FBXW10B: variants seen among roughly 807,000 people sequenced by gnomAD.
FBXW10B encodes F-box and WD repeat domain containing protein 10B.
chr17:15,578,714 G>C, the FBXW10B span, among the ~76,000 whole-genome samples: 1 of 152,024 alleles, frequency 6.6e-6, no homozygotes, highest in African/African-American at 2.4e-5. Flanking sequence ...TCTGATTTTC[G>C]TAGCTGGGAC....
chr17:15,582,353 C>T, the FBXW10B span, among the ~76,000 whole-genome samples: 3 of 151,774 alleles, frequency 2.0e-5, no homozygotes, highest in Non-Finnish European at 4.4e-5. Context: ...AAAATGAACA[C>T]TCTTTTCTAA....
the FBXW10B span, among the ~76,000 whole-genome samples, chr17:15,599,941 G>A: frequency 6.6e-6 from 1 of 152,040 alleles, no homozygotes; most frequent in African/African-American, 2.4e-5. Flanking sequence ...TTACAGCCGG[G>A]CACGGTGGCT....
chr17:15,607,578 C>G, the FBXW10B span: 1 of 1,613,244 alleles, frequency 6.2e-7, no homozygotes, highest in Non-Finnish European at 8.5e-7. Context: ...ACCTACGTGT[C>G]AGAGAGAATG....
the FBXW10B span, chr17:15,605,566 G>C: frequency 6.8e-7 from 1 of 1,461,176 alleles, no homozygotes; most frequent in African/African-American, 1.4e-5. Flanking sequence ...CAGAAGGCAA[G>C]GTTGAGAATT....
At chr17:15,581,262 G>C in the FBXW10B span, among the ~76,000 whole-genome samples, 1 of 152,168 alleles carries the variant, frequency 6.6e-6, no homozygotes, top group African/African-American at 2.4e-5. Flanking sequence ...CCAGAATTTA[G>C]CACTAATAAT....
the FBXW10B span, among the ~76,000 whole-genome samples, chr17:15,611,029 T>C: frequency 1.3e-5 from 2 of 150,406 alleles, no homozygotes; most frequent in African/African-American, 4.9e-5. Flanking sequence ...TTTTCTTTTT[T>C]TTTTTTTTTT....
At chr17:15,592,570 T>C in the FBXW10B span, among the ~76,000 whole-genome samples, 1 of 152,124 alleles carries the variant, frequency 6.6e-6, no homozygotes, top group Admixed American at 6.5e-5. Context: ...GTCATGGTAC[T>C]GGTTTTGTAA....
At chr17:15,591,460 T>C in the FBXW10B span, among the ~76,000 whole-genome samples, 1 of 152,126 alleles carries the variant, frequency 6.6e-6, no homozygotes, top group African/African-American at 2.4e-5. Context: ...CAGCTCATTT[T>C]GTGTTTTTAG....
At chr17:15,612,296 A>G in the FBXW10B span, among the ~76,000 whole-genome samples, 2 of 152,134 alleles carry the variant, frequency 1.3e-5, no homozygotes, top group East Asian at 3.9e-4. Flanking sequence ...TCACAAGGTC[A>G]GGAGATCAAG....
At chr17:15,577,723 A>T in the FBXW10B span, among the ~76,000 whole-genome samples, 1 of 152,180 alleles carries the variant, frequency 6.6e-6, no homozygotes, top group South Asian at 2.1e-4. Context: ...TGCTGTTTTC[A>T]TTGGTTGGTG....
chr17:15,601,372 G>A, the FBXW10B span, among the ~76,000 whole-genome samples: 16 of 134,626 alleles, frequency 1.2e-4, no homozygotes, highest in South Asian at 2.3e-4. Context: ...TCGCACTACC[G>A]CACTCTAGCC....
chr17:15,615,720 T>G, the FBXW10B span: 26 of 1,613,744 alleles, frequency 1.6e-5, no homozygotes, highest in South Asian at 2.2e-5. Context: ...TGCTGAGTTT[T>G]GGCTGTCCAA....
chr17:15,599,173 CAA>C, the FBXW10B span, among the ~76,000 whole-genome samples: 14 of 69,164 alleles, frequency 2.0e-4, no homozygotes, highest in South Asian at 5.2e-4. Context: ...GACTCTGTCT[CAA>C]AAAAAAAAAA....
the FBXW10B span, chr17:15,596,808 A>T: frequency 2.8e-6 from 3 of 1,062,308 alleles, no homozygotes; most frequent in Non-Finnish European, 4.0e-6. Context: ...CCCGTGGCCT[A>T]GCACCTCCGA....
chr17:15,581,157 C>T, the FBXW10B span, among the ~76,000 whole-genome samples: 22 of 152,126 alleles, frequency 1.4e-4, no homozygotes, highest in Admixed American at 1.4e-3. Flanking sequence ...AAATAAGTTA[C>T]CCACTTTTAA....
the FBXW10B span, among the ~76,000 whole-genome samples, chr17:15,595,901 T>C: frequency 4.1e-5 from 6 of 148,080 alleles, no homozygotes; most frequent in Non-Finnish European, 7.4e-5. Flanking sequence ...CCTCACCCCA[T>C]GCCAGAATGC....
the FBXW10B span, among the ~76,000 whole-genome samples, chr17:15,618,282 C>T: frequency 1.3e-5 from 2 of 152,058 alleles, no homozygotes; most frequent in East Asian, 3.9e-4. Context: ...GAGCCAAGAT[C>T]GCACCACTGC....
At chr17:15,619,613 G>A in the FBXW10B span, 5 of 1,513,276 alleles carry the variant, frequency 3.3e-6, no homozygotes, top group Non-Finnish European at 4.4e-6. Flanking sequence ...CCCCAGTTGT[G>A]CCTTTTCTAT....
the FBXW10B span, among the ~76,000 whole-genome samples, chr17:15,583,334 C>A: frequency 0.16 from 20,611 of 126,126 alleles, 1,211 homozygotes; most frequent in Middle Eastern, 0.25. Context: ...TCTCAGTTTA[C>A]ACATCACTTC....
Sources: allele counts gnomAD v4.1 joint callset (sites outside exome capture counted in the v4.1 genomes callset), GRCh38; gene constraint gnomAD v4.1.1; transcripts MANE v1.5; gene names NCBI Gene and HGNC (gene_info 2026-07-23, HGNC 2026-07-21).